LRP1B: variants seen among roughly 807,000 people sequenced by gnomAD.
The protein encoded by LRP1B is LDL receptor related protein 1B, also known as low-density lipoprotein receptor-related protein 1B.
LRP1B carries 217 observed loss-of-function variants against 556.6 expected under a neutral mutation model. The observed-to-expected ratio is 0.39, with a 90% CI of 0.35 to 0.44. The LOEUF is 0.44. Among genes scored for constraint, LRP1B ranks in the 20% least tolerant of loss-of-function variants. The probability of loss-of-function intolerance (pLI) is 1.00; values close to 1 mark genes in which losing one functional copy is unlikely to be tolerated. For synonymous variants in LRP1B, 2,047 were observed against 1,865.8 expected (o/e 1.10, Z -2.50); for missense variants, 5,053 against 5,620.8 (o/e 0.90, Z 3.23).
At chr2:140,594,955 A>G (rs1261927840) in intron 43 of LRP1B, among the ~76,000 whole-genome samples, 1 of 151,580 alleles carries the variant, frequency 6.6e-6, no homozygotes, top group African/African-American at 2.4e-5. Context: ...TTTCCTAAAT[A>G]TCATTCTTTC....
intron 17 of LRP1B, among the ~76,000 whole-genome samples, chr2:140,989,021 A>T (rs959240157): frequency 6.6e-6 from 1 of 152,120 alleles, no homozygotes; most frequent in Non-Finnish European, 1.5e-5. Flanking sequence ...ATTACAATAG[A>T]GTAGATTATA....
intron 1 of LRP1B, among the ~76,000 whole-genome samples, chr2:141,840,977 T>C (rs904507558): frequency 1.7e-4 from 25 of 150,856 alleles, no homozygotes; most frequent in African/African-American, 6.1e-4. Flanking sequence ...AAGAGATAAA[T>C]TGGCTTTTCA....
At chr2:142,048,662 T>C (rs1704340314) in intron 1 of LRP1B, among the ~76,000 whole-genome samples, 1 of 152,036 alleles carries the variant, frequency 6.6e-6, no homozygotes, top group Non-Finnish European at 1.5e-5. Flanking sequence ...TATGTAAAAA[T>C]TGCATTTTAT....
chr2:141,394,956 T>G (rs971426355), intron 3 of LRP1B, among the ~76,000 whole-genome samples: 1 of 152,064 alleles, frequency 6.6e-6, no homozygotes, highest in Non-Finnish European at 1.5e-5. Flanking sequence ...AAAGAGAAAC[T>G]GTTCTTTCCA....
At chr2:141,119,165 C>T (rs1386267749) in intron 7 of LRP1B, among the ~76,000 whole-genome samples, 1 of 151,830 alleles carries the variant, frequency 6.6e-6, no homozygotes, top group African/African-American at 2.4e-5. Flanking sequence ...AATATAGACG[C>T]CCTTGTTCAA....
intron 3 of LRP1B, among the ~76,000 whole-genome samples, chr2:141,306,220 G>T (rs1558993861): frequency 6.6e-6 from 1 of 151,990 alleles, no homozygotes; most frequent in East Asian, 1.9e-4. Flanking sequence ...AGGAAAATTG[G>T]TACTCATTCT....
chr2:141,731,023 G>A (rs874295), intron 2 of LRP1B, among the ~76,000 whole-genome samples: 40,177 of 152,052 alleles, frequency 0.26, 5,484 homozygotes, highest in Middle Eastern at 0.31. Flanking sequence ...GACTCCCAAC[G>A]GGGGGTGTGG....
rs143819331 is a variant in LRP1B, at chr2:141,291,855, CAAAAAAAAAAAAAAAA to C, written c.344-37230_344-37215del. 3.4e-3 allele frequency among the ~76,000 whole-genome samples: 341 copies of C among 99,316 alleles called. 1 individual carries two copies. Among genetic ancestry groups the C allele is most frequent in the Middle Eastern group, 0.033 (4 of 122 alleles). The allele number at this position is 99,316 out of a possible 152,430, so 65.2% of individuals were successfully genotyped here. On this transcript the variant is annotated intron_variant, in intron 3 of 90. Transcript: ENST00000389484. ...TGGGCGAAAGAGCGAGACTCTGTCT[CAAAAAAAAAAAAAAAA>C]AAAAAAAAAAAAAAAAAAACTTGTT...
rs1684454964 is a variant in LRP1B at position 140,314,912 on chromosome 2, TACAATG to T, written c.12805+17_12805+22del. Reference sequence around the variant, plus strand: ...AAGGAAAAGTGAAAAAGATGTGAAATACAATGACAATGAAATATTTACCTAGAACTG... The same window carrying T: ...AAGGAAAAGTGAAAAAGATGTGAAATACAATGAAATATTTACCTAGAACTG... On this transcript the variant is annotated intron_variant, in intron 83 of 90. Transcript: ENST00000389484. 6.5e-7 allele frequency: 1 copy of T among 1,543,562 alleles called. No individual in the cohort carries two copies. The highest frequency in any genetic ancestry group is 2.0e-5 in the Admixed American group (1 of 50,352).
chr2:141,987,312 C>T (rs1413654935), intron 1 of LRP1B, among the ~76,000 whole-genome samples: 1 of 151,946 alleles, frequency 6.6e-6, no homozygotes, highest in Non-Finnish European at 1.5e-5. Context: ...TACTCAATTA[C>T]ATCTAGTTTC....
chr2:140,865,409 C>G lies in LRP1B; in HGVS notation c.4579+2181G>C, dbSNP rs192146855. Among the ~76,000 whole-genome samples, 50 of 151,718 alleles carry G rather than the reference C, an allele frequency of 3.3e-4. 1 individual carries two copies. The East Asian group carries it at 9.1e-3, about 28-fold the overall frequency. On this transcript the variant is annotated intron_variant, in intron 27 of 90. Transcript: ENST00000389484. ...TCATGAACATCATGTTATTATTCAC[C>G]AGAATACGGGCTATTATTATTGTAT...
At chr2:140,428,135 T>C (rs1237250967) in intron 66 of LRP1B, among the ~76,000 whole-genome samples, 1 of 152,168 alleles carries the variant, frequency 6.6e-6, no homozygotes, top group Non-Finnish European at 1.5e-5. Context: ...AGCCGTCTTA[T>C]TCTCAATATA....
chr2:141,188,666 C>A (rs2105194552), intron 6 of LRP1B, 83 bp from the exon 7 acceptor site: 1 of 1,221,614 alleles, frequency 8.2e-7, no homozygotes, highest in South Asian at 1.4e-5. Context: ...GTTTCCAAAC[C>A]ATCATAGAGG....
chr2:141,894,441 A>G (rs1381190968), intron 1 of LRP1B, among the ~76,000 whole-genome samples: 1 of 151,510 alleles, frequency 6.6e-6, no homozygotes, highest in African/African-American at 2.4e-5. Flanking sequence ...GACACCTTGC[A>G]GGGCTTTTCA....
At chr2:141,084,956 C>G (rs1009989333) in intron 7 of LRP1B, among the ~76,000 whole-genome samples, 1 of 152,130 alleles carries the variant, frequency 6.6e-6, no homozygotes, top group African/African-American at 2.4e-5. Flanking sequence ...GCCTCTCTTT[C>G]TTAAATAAAA....
At chr2:142,004,773 G>A (rs1226257131) in intron 1 of LRP1B, among the ~76,000 whole-genome samples, 2 of 151,696 alleles carry the variant, frequency 1.3e-5, no homozygotes, top group Admixed American at 1.3e-4. Flanking sequence ...TGGAACCCGG[G>A]AAGAGAAGGT....
intron 3 of LRP1B, among the ~76,000 whole-genome samples, chr2:141,449,106 T>C (rs919838348): frequency 6.6e-6 from 1 of 152,214 alleles, no homozygotes; most frequent in Admixed American, 6.5e-5. Flanking sequence ...TAACTGCCAT[T>C]ACCTTTTTTG....
intron 1 of LRP1B, among the ~76,000 whole-genome samples, chr2:142,119,805 C>A (rs1031283849): frequency 1.7e-4 from 26 of 152,160 alleles, no homozygotes; most frequent in African/African-American, 6.0e-4. Context: ...AGACCCCAAA[C>A]CGTTTGATCC....
At chr2:140,698,584 T>C (rs887892665) in intron 41 of LRP1B, among the ~76,000 whole-genome samples, 1 of 152,056 alleles carries the variant, frequency 6.6e-6, no homozygotes, top group Non-Finnish European at 1.5e-5. Flanking sequence ...TCTCATTGTG[T>C]TGTTTTGGTT....
Sources: allele counts gnomAD v4.1 joint callset (sites outside exome capture counted in the v4.1 genomes callset), GRCh38; gene constraint gnomAD v4.1.1; transcripts MANE v1.5; gene names NCBI Gene and HGNC (gene_info 2026-07-23, HGNC 2026-07-21).